DRC4: variants seen among roughly 807,000 people sequenced by gnomAD.
DRC4 encodes dynein regulatory complex subunit 4, also known as GAS-11.
chr16:90,020,360 T>C, the DRC4 span, among the ~76,000 whole-genome samples: 1 of 152,124 alleles, frequency 6.6e-6, no homozygotes, highest in African/African-American at 2.4e-5. Flanking sequence ...ATAAACACTC[T>C]TGTTAACCCA....
the DRC4 span, chr16:90,040,606 C>A: frequency 4.4e-6 from 5 of 1,130,230 alleles, no homozygotes; most frequent in African/African-American, 2.0e-5. Context: ...CACAGAGACC[C>A]CTCGGTCGGC....
At chr16:90,040,297 C>T in the DRC4 span, 2 of 1,575,322 alleles carry the variant, frequency 1.3e-6, no homozygotes, top group South Asian at 1.2e-5. Context: ...GCTGTCCCTA[C>T]AGGTGCAGCA....
chr16:90,035,610 A>T, the DRC4 span: 1 of 1,614,144 alleles, frequency 6.2e-7, no homozygotes, highest in African/African-American at 1.3e-5. Flanking sequence ...GCTGTGTAGT[A>T]ATGGCCGCTT....
At chr16:90,035,555 AG>A in the DRC4 span, 13 of 1,595,226 alleles carry the variant, frequency 8.1e-6, no homozygotes, top group African/African-American at 1.3e-5. Context: ...CAAAACCATG[AG>A]GAACAGGGTC....
the DRC4 span, chr16:90,043,405 C>A: frequency 1.4e-6 from 2 of 1,471,690 alleles, no homozygotes; most frequent in Non-Finnish European, 1.8e-6. Context: ...GGATGACACC[C>A]CTTATCACAC....
chr16:90,022,811 G>A, the DRC4 span: 1 of 1,197,572 alleles, frequency 8.4e-7, no homozygotes, highest in Non-Finnish European at 1.1e-6. Context: ...GGAGACCCTG[G>A]GAATGGGAGG....
At chr16:90,032,959 T>C in the DRC4 span, 3 of 1,587,312 alleles carry the variant, frequency 1.9e-6, no homozygotes, top group East Asian at 4.5e-5. Context: ...GGCTGACAGG[T>C]TGTTGGGACG....
the DRC4 span, among the ~76,000 whole-genome samples, chr16:90,038,813 C>T: frequency 2.6e-5 from 4 of 152,234 alleles, no homozygotes; most frequent in Non-Finnish European, 5.9e-5. Context: ...CCCTTAAAGA[C>T]GCTCCTTGCC....
chr16:90,023,170 C>T, the DRC4 span, among the ~76,000 whole-genome samples: 1 of 152,212 alleles, frequency 6.6e-6, no homozygotes, highest in Non-Finnish European at 1.5e-5. Flanking sequence ...GACCTTTGGT[C>T]TCCCGGATGG....
At chr16:90,029,048 G>A in the DRC4 span, 1 of 1,305,282 alleles carries the variant, frequency 7.7e-7, no homozygotes, top group African/African-American at 1.5e-5. Flanking sequence ...ATTGAACACT[G>A]CGTTGTCCCA....
the DRC4 span, among the ~76,000 whole-genome samples, chr16:90,021,082 G>A: frequency 8.4e-4 from 128 of 152,344 alleles, 1 homozygote; most frequent in African/African-American, 3.0e-3. Flanking sequence ...AGGCCTCAGG[G>A]CTTACTATAA....
chr16:90,031,516 A>T, the DRC4 span: 3 of 1,545,500 alleles, frequency 1.9e-6, no homozygotes, highest in Non-Finnish European at 2.6e-6. Flanking sequence ...GCCGGCCTGC[A>T]CGTGCTAACC....
the DRC4 span, among the ~76,000 whole-genome samples, chr16:90,023,235 G>C: frequency 6.6e-6 from 1 of 152,172 alleles, no homozygotes; most frequent in African/African-American, 2.4e-5. Flanking sequence ...AGGAGGCCCG[G>C]ACAGGTCCAG....
the DRC4 span, among the ~76,000 whole-genome samples, chr16:90,032,052 A>G: frequency 0.018 from 2,682 of 150,442 alleles, 36 homozygotes; most frequent in Middle Eastern, 0.035. Context: ...GTACAGGTGT[A>G]GTGCAGGCGA....
the DRC4 span, among the ~76,000 whole-genome samples, chr16:90,041,108 C>T: frequency 6.6e-6 from 1 of 152,306 alleles, no homozygotes; most frequent in East Asian, 1.9e-4. Context: ...CAGCTCCTGG[C>T]TGAGGGCTGC....
At chr16:90,037,431 T>C in the DRC4 span, 1 of 1,589,320 alleles carries the variant, frequency 6.3e-7, no homozygotes. Flanking sequence ...TCTCCCTCCT[T>C]GGCATGAGCT....
chr16:90,030,597 G>A, the DRC4 span, among the ~76,000 whole-genome samples: 1 of 150,298 alleles, frequency 6.7e-6, no homozygotes, highest in African/African-American at 2.5e-5. Flanking sequence ...CTCCCAAAGT[G>A]GTGGGAGCCA....
the DRC4 span, among the ~76,000 whole-genome samples, chr16:90,033,905 G>A: frequency 1.3e-5 from 2 of 151,340 alleles, no homozygotes; most frequent in East Asian, 4.0e-4. Flanking sequence ...TGGGAGACGG[G>A]ATGGGCCAGT....
the DRC4 span, chr16:90,042,876 G>T: frequency 6.0e-6 from 3 of 499,510 alleles, no homozygotes; most frequent in African/African-American, 5.7e-5. Flanking sequence ...AAGGGAGGGC[G>T]TGAAGAACCT....
Sources: gnomAD v4.1 joint callset for allele counts (sites outside exome capture counted in the v4.1 genomes callset) on GRCh38, gnomAD v4.1.1 for gene constraint, MANE v1.5 for transcripts, NCBI Gene and HGNC (gene_info 2026-07-23, HGNC 2026-07-21) for gene names.